PM20D2: variants seen among roughly 807,000 people sequenced by gnomAD.
The protein encoded by PM20D2 is xaa-Arg dipeptidase.
Under a neutral mutation model 42.9 loss-of-function variants are expected in PM20D2, and 33 were observed. That is an observed-to-expected ratio of 0.77 (90% CI 0.58 to 1.03). The LOEUF (loss-of-function observed/expected upper bound fraction) is 1.03. Ranked by LOEUF, PM20D2 falls within the 50% of genes least tolerant of loss-of-function variation. The pLI is 0.00. For missense variants in PM20D2, 548 were observed against 557.0 expected (o/e 0.98, Z 0.16); for synonymous variants, 250 against 228.2 (o/e 1.10, Z -0.86).
chr6:89,151,360 C>T (rs1462309259), intron 2 of PM20D2, among the ~76,000 whole-genome samples: 1 of 151,604 alleles, frequency 6.6e-6, no homozygotes, highest in Non-Finnish European at 1.5e-5. Flanking sequence ...CTCCCATGGA[C>T]CTGGAATTAC....
the PM20D2 span, among the ~76,000 whole-genome samples, chr6:89,104,566 T>A: frequency 6.6e-6 from 1 of 151,812 alleles, no homozygotes; most frequent in African/African-American, 2.4e-5. Flanking sequence ...TTTTTTTTTC[T>A]GCTCACTATA....
intron 3 of PM20D2, among the ~76,000 whole-genome samples, chr6:89,153,572 T>G (rs1307484789): frequency 6.6e-6 from 1 of 152,172 alleles, no homozygotes. Context: ...TTTATTTAAG[T>G]GCTGTTAGTC....
At chr6:89,142,815 G>A (rs6454739), upstream of PM20D2, among the ~76,000 whole-genome samples, 40,581 of 152,020 alleles carry the variant, frequency 0.27, 5,524 homozygotes, top group Admixed American at 0.32. Flanking sequence ...GTGCCACCAC[G>A]CCCGGCTAAT....
the PM20D2 span, among the ~76,000 whole-genome samples, chr6:89,109,529 A>G: frequency 1.3e-5 from 2 of 152,212 alleles, no homozygotes; most frequent in Non-Finnish European, 1.5e-5. Context: ...AACCAATCCC[A>G]TCAACCAAAT....
chr6:89,148,943 G>C (rs1296457052), intron 1 of PM20D2, among the ~76,000 whole-genome samples: 5 of 152,112 alleles, frequency 3.3e-5, no homozygotes, highest in Non-Finnish European at 4.4e-5. Context: ...GAACCTTTTT[G>C]AAACAAATCC....
chr6:89,093,968 G>T, the PM20D2 span, among the ~76,000 whole-genome samples: 1,624 of 127,204 alleles, frequency 0.013, 41 homozygotes, highest in African/African-American at 0.046. Context: ...TTGCCTAAGC[G>T]GGAGTGCAGT....
Position 89,162,223 on chromosome 6 carries a change from T to C in PM20D2, c.1271T>C (p.Leu424Pro), listed in dbSNP as rs576485891. 1.9e-6 allele frequency: 3 copies of C among 1,613,982 alleles called. No homozygotes were observed. In the African/African-American group the frequency reaches 4.0e-5, roughly 22 times the overall value. ...GAAGGAATCAGAGAGGACTTTAAAC[T>C]GAAACTTCAAGAAGAACAGTTTGTA... ...LLEGIREDFK[L>P]KLQEEQFVNA... The change falls in exon 7 of 7, where the codon CTG becomes CCG. Residue 424 changes from leucine (L) to proline (P), a missense_variant. Transcript: ENST00000275072.
the PM20D2 span, among the ~76,000 whole-genome samples, chr6:89,131,164 A>T: frequency 2.0e-5 from 3 of 151,978 alleles, no homozygotes; most frequent in Admixed American, 6.6e-5. Flanking sequence ...TTATAAAACC[A>T]CTAATCCCAC....
the PM20D2 span, among the ~76,000 whole-genome samples, chr6:89,117,266 T>C: frequency 1.3e-5 from 2 of 152,210 alleles, no homozygotes; most frequent in African/African-American, 2.4e-5. Flanking sequence ...ATTTTTTGTA[T>C]GCAGAATAAA....
At chr6:89,105,475 C>A in the PM20D2 span, 1 of 1,612,130 alleles carries the variant, frequency 6.2e-7, no homozygotes, top group Non-Finnish European at 8.5e-7. Context: ...CGGCCACATA[C>A]CCACTTTCTA....
At chr6:89,134,753 T>A in the PM20D2 span, among the ~76,000 whole-genome samples, 1 of 151,110 alleles carries the variant, frequency 6.6e-6, no homozygotes, top group Non-Finnish European at 1.5e-5. Flanking sequence ...AAGCAGAGCC[T>A]GAGATGGAGA....
chr6:89,098,525 TGA>T, the PM20D2 span: 5 of 1,520,666 alleles, frequency 3.3e-6, no homozygotes, highest in African/African-American at 2.8e-5. Context: ...TTTAACATAA[TGA>T]GAGTTTAATA....
the PM20D2 span, among the ~76,000 whole-genome samples, chr6:89,118,395 T>A: frequency 2.6e-5 from 4 of 152,322 alleles, no homozygotes; most frequent in African/African-American, 9.6e-5. Context: ...CAGCGCATCG[T>A]CCTGAGCGCA....
chr6:89,143,019 G>A (rs771717916), upstream of PM20D2, among the ~76,000 whole-genome samples: 13 of 152,006 alleles, frequency 8.6e-5, no homozygotes, highest in Non-Finnish European at 1.6e-4. Flanking sequence ...AAGCTCTCTG[G>A]TACTTCTATT....
chr6:89,123,538 T>TA, the PM20D2 span, among the ~76,000 whole-genome samples: 3 of 149,418 alleles, frequency 2.0e-5, no homozygotes, highest in East Asian at 6.0e-4. Flanking sequence ...CTGGGCAACA[T>TA]ACGATACCTC....
the PM20D2 span, chr6:89,118,052 G>C: frequency 5.1e-6 from 2 of 393,794 alleles, no homozygotes; most frequent in South Asian, 1.2e-4. Flanking sequence ...CGCAGAGGGG[G>C]CGCAGCGCGG....
At chr6:89,123,066 A>G in the PM20D2 span, among the ~76,000 whole-genome samples, 1 of 152,236 alleles carries the variant, frequency 6.6e-6, no homozygotes. Flanking sequence ...GAGGGATCAA[A>G]CTAACTTTTT....
the PM20D2 span, among the ~76,000 whole-genome samples, chr6:89,119,398 AAGAGT>A: frequency 6.6e-6 from 1 of 152,172 alleles, no homozygotes; most frequent in Non-Finnish European, 1.5e-5. Context: ...AAGAATGGAG[AAGAGT>A]AATTAGTGCA....
the PM20D2 span, among the ~76,000 whole-genome samples, chr6:89,135,996 C>T: frequency 2.6e-5 from 4 of 151,128 alleles, no homozygotes; most frequent in Non-Finnish European, 4.4e-5. Context: ...TTTACCTGTG[C>T]GGATGCCAGG....
Sources: allele counts gnomAD v4.1 joint callset (sites outside exome capture counted in the v4.1 genomes callset), GRCh38; gene constraint gnomAD v4.1.1; transcripts MANE v1.5; gene names NCBI Gene and HGNC (gene_info 2026-07-23, HGNC 2026-07-21).